CNOT4: variants seen among roughly 807,000 people sequenced by gnomAD.
CNOT4 encodes the protein CCR4-NOT transcription complex subunit 4.
Under a neutral mutation model 73.8 loss-of-function variants are expected in CNOT4, and 8 were observed. That is an observed-to-expected ratio of 0.11 (90% CI 0.06 to 0.20). The LOEUF is 0.20. Ranked by LOEUF, CNOT4 falls within the 10% of genes least tolerant of loss-of-function variation. The pLI is 1.00. For synonymous variants in CNOT4, 293 were observed against 321.1 expected, an observed-to-expected ratio of 0.91 and a Z score of 0.94; for missense variants, 564 against 883.4, an observed-to-expected ratio of 0.64 and a Z score of 4.58.
At chr7:135,491,365 G>T (rs929676669) in intron 1 of CNOT4, among the ~76,000 whole-genome samples, 2 of 152,176 alleles carry the variant, frequency 1.3e-5, no homozygotes, top group Non-Finnish European at 2.9e-5. Context: ...AGGCAAAAAG[G>T]AAAATCTACT....
At chr7:135,378,378 C>A (rs950730683) in intron 10 of CNOT4, among the ~76,000 whole-genome samples, 1 of 152,048 alleles carries the variant, frequency 6.6e-6, no homozygotes, top group African/African-American at 2.4e-5. Flanking sequence ...GTGGCATATG[C>A]CTGTAATCCC....
intron 1 of CNOT4, chr7:135,509,299 G>A (rs901561106): frequency 6.6e-6 from 1 of 152,334 alleles, no homozygotes; most frequent in Non-Finnish European, 1.5e-5. Context: ...CAAATCGGAA[G>A]CAGCTCTAGT....
chr7:135,398,230 TA>T lies in CNOT4; in HGVS notation c.822-5del. ...ATCTGAAGGTTTGTCAATGGGGCTA[TA>T]AAAAGAAAACAAATTGAATAAAATC... On this transcript the variant is annotated splice_polypyrimidine_tract_variant and splice_region_variant and intron_variant, in intron 7 of 11. Transcript: ENST00000541284. 3 of 1,473,884 alleles carry T rather than the reference TA, an allele frequency of 2.0e-6. No individual in the cohort carries two copies. The highest frequency in any genetic ancestry group is 2.8e-6 in the Non-Finnish European group (3 of 1,056,310). 91.3% of individuals were successfully genotyped at this position (1,473,884 alleles called of 1,614,324 possible). A position where few individuals can be genotyped will look rare whatever the true frequency, so the allele number is the denominator to read the frequency against.
intron 1 of CNOT4, among the ~76,000 whole-genome samples, chr7:135,489,584 T>C (rs931405329): frequency 4.6e-5 from 7 of 151,678 alleles, no homozygotes; most frequent in African/African-American, 1.2e-4. Flanking sequence ...TCAGTAGAGA[T>C]AGGGTTTCTC....
chr7:135,452,020 G>A (rs1057407955), intron 1 of CNOT4, among the ~76,000 whole-genome samples: 6 of 152,130 alleles, frequency 3.9e-5, no homozygotes, highest in East Asian at 1.9e-4. Context: ...GGCTGAGGAG[G>A]GAGGCTCACC....
intron 1 of CNOT4, 119 bp from the exon 2 acceptor site, chr7:135,438,542 C>A: frequency 2.6e-6 from 1 of 381,586 alleles, no homozygotes; most frequent in Non-Finnish European, 4.6e-6. Context: ...TGTTATCAAC[C>A]TGAAATGGCT....
intron 8 of CNOT4, among the ~76,000 whole-genome samples, 190 bp from the exon 9 acceptor site, chr7:135,396,073 T>A (rs1796665628): frequency 6.7e-6 from 1 of 149,992 alleles, no homozygotes; most frequent in Non-Finnish European, 1.5e-5. Context: ...TTTAAAAAAA[T>A]ATTAATCTGC....
At chr7:135,405,059 A>G (rs1320084976) in intron 7 of CNOT4, among the ~76,000 whole-genome samples, 1 of 152,166 alleles carries the variant, frequency 6.6e-6, no homozygotes, top group Non-Finnish European at 1.5e-5. Flanking sequence ...GAAGAGTGGG[A>G]GAATGAGGGA....
At chr7:135,420,138 T>C (rs537045341) in intron 3 of CNOT4, among the ~76,000 whole-genome samples, 1 of 152,202 alleles carries the variant, frequency 6.6e-6, no homozygotes, top group East Asian at 1.9e-4. Flanking sequence ...TCATCCAAAT[T>C]TTGGATGCTA....
At chr7:135,388,985 C>G in intron 10 of CNOT4, 1 of 1,215,144 alleles carries the variant, frequency 8.2e-7, no homozygotes, top group Non-Finnish European at 1.2e-6. Context: ...AATACTGATA[C>G]ATATATAAAA....
chr7:135,454,922 C>T (rs1004196929), intron 1 of CNOT4, among the ~76,000 whole-genome samples: 13 of 152,128 alleles, frequency 8.5e-5, no homozygotes, highest in East Asian at 3.9e-4. Context: ...ATTCTGTAAA[C>T]GTAAAGGACC....
At chr7:135,405,092 A>G (rs922657883) in intron 7 of CNOT4, among the ~76,000 whole-genome samples, 1 of 152,204 alleles carries the variant, frequency 6.6e-6, no homozygotes, top group Admixed American at 6.5e-5. Context: ...TTAAAGTCAC[A>G]GAGACTTTGG....
chr7:135,500,983 C>CT (rs869117346), intron 1 of CNOT4, among the ~76,000 whole-genome samples: 23,300 of 134,460 alleles, frequency 0.17, 2,899 homozygotes, highest in African/African-American at 0.34. Context: ...TCTACTAAAC[C>CT]TTTTTTTTTT....
intron 2 of CNOT4, among the ~76,000 whole-genome samples, chr7:135,424,554 G>A (rs556644376): frequency 6.6e-6 from 1 of 152,222 alleles, no homozygotes; most frequent in Non-Finnish European, 1.5e-5. Flanking sequence ...GGAGGCTGAG[G>A]TGGGTAGATC....
At chr7:135,451,010 T>C (rs1800125098) in intron 1 of CNOT4, among the ~76,000 whole-genome samples, 1 of 152,028 alleles carries the variant, frequency 6.6e-6, no homozygotes, top group African/African-American at 2.4e-5. Flanking sequence ...GTAACATGAA[T>C]GGTAAAATTT....
chr7:135,480,888 C>CAA (rs202103531), intron 1 of CNOT4, among the ~76,000 whole-genome samples: 9,239 of 75,610 alleles, frequency 0.12, 370 homozygotes, highest in Middle Eastern at 0.22. Context: ...TATCTATATG[C>CAA]AAAAAAAAAA....
intron 1 of CNOT4, among the ~76,000 whole-genome samples, chr7:135,458,506 A>G (rs1450429255): frequency 6.6e-6 from 1 of 152,080 alleles, no homozygotes; most frequent in East Asian, 1.9e-4. Context: ...ATTTCTCTGT[A>G]GCATGTGATA....
chr7:135,508,505 C>A (rs1268968604), intron 1 of CNOT4, among the ~76,000 whole-genome samples: 1 of 152,118 alleles, frequency 6.6e-6, no homozygotes, highest in East Asian at 1.9e-4. Context: ...ATAAAAATGT[C>A]GATTTTTCTT....
intron 7 of CNOT4, among the ~76,000 whole-genome samples, chr7:135,400,184 A>G (rs921122234): frequency 3.9e-5 from 6 of 152,080 alleles, no homozygotes; most frequent in African/African-American, 1.4e-4. Flanking sequence ...TGTCGGAGAC[A>G]GTGTTGGCAG....
Sources: gnomAD v4.1 joint callset for allele counts (sites outside exome capture counted in the v4.1 genomes callset) on GRCh38, gnomAD v4.1.1 for gene constraint, MANE v1.5 for transcripts, NCBI Gene and HGNC (gene_info 2026-07-23, HGNC 2026-07-21) for gene names.